Variants in AKAP13 observed in about 807,000 individuals in gnomAD.
AKAP13 encodes A-kinase anchor protein 13.
In AKAP13, 80 loss-of-function variants were observed where a neutral mutation model predicts 264.5. The ratio of observed to expected loss-of-function variants is 0.30; its 90% CI spans 0.25 to 0.36. The LOEUF (loss-of-function observed/expected upper bound fraction) is 0.36, where lower values mean the gene tolerates loss of function less well. AKAP13 is among the 10% of genes least tolerant of loss of function. The pLI, the probability that AKAP13 is intolerant of heterozygous loss-of-function variation, is 1.00. For synonymous variants in AKAP13, 1,380 were observed against 1,250.2 expected, an observed-to-expected ratio of 1.10 and a Z score of -2.19; for missense variants, 3,712 against 3,435.2, an observed-to-expected ratio of 1.08 and a Z score of -2.01.
intron 2 of AKAP13, among the ~76,000 whole-genome samples, chr15:85,507,562 C>G (rs1795462978): frequency 6.6e-6 from 1 of 152,178 alleles, no homozygotes; most frequent in South Asian, 2.1e-4. Flanking sequence ...CTGCCTTTTC[C>G]TTGTGTCTAG....
chr15:85,516,801 GA>G (rs1326413533), intron 2 of AKAP13, among the ~76,000 whole-genome samples: 1 of 152,160 alleles, frequency 6.6e-6, no homozygotes, highest in Non-Finnish European at 1.5e-5. Context: ...ACCACATTAC[GA>G]ATACAGATTT....
Position 85,742,551 on chromosome 15 carries a change from A to G in AKAP13, c.8059-941A>G, listed in dbSNP as rs2089107609. On this transcript the variant is annotated intron_variant, in intron 35 of 36. Transcript: ENST00000394518. ...TATTCTTGCTTGGGGATGTTGAGACAGCTGCACTCTGCATAGTTCCTGATT... is the reference window on the plus strand; with the variant it reads ...TATTCTTGCTTGGGGATGTTGAGACGGCTGCACTCTGCATAGTTCCTGATT... Among the ~76,000 whole-genome samples, 6 of 152,378 alleles carry G rather than the reference A, an allele frequency of 3.9e-5. No homozygotes were observed. In the South Asian group the frequency reaches 1.2e-3, roughly 32 times the overall value.
At chr15:85,734,852 C>T (rs771481671) in intron 30 of AKAP13, 140 bp from the exon 31 acceptor site, 15 of 1,144,616 alleles carry the variant, frequency 1.3e-5, no homozygotes, top group Non-Finnish European at 1.7e-5. Context: ...AGCTGAGACC[C>T]TTCTCTGAGC....
intron 16 of AKAP13, 127 bp from the exon 17 acceptor site, chr15:85,693,150 C>T: frequency 7.3e-7 from 1 of 1,372,924 alleles, no homozygotes; most frequent in East Asian, 2.8e-5. Context: ...TTGCCCAGAA[C>T]TTTGTTTCTC....
rs532484124 is a variant in AKAP13, at chr15:85,626,555, A to G, written c.4162-12819A>G. Among the ~76,000 whole-genome samples, 13 of 152,336 alleles carry G rather than the reference A, an allele frequency of 8.5e-5. No individual in the cohort carries two copies. The South Asian group carries it at 2.5e-3, about 29-fold the overall frequency. On this transcript the variant is annotated intron_variant, in intron 8 of 36. Coordinates refer to ENST00000394518, the MANE Select transcript of AKAP13 (RefSeq NM_007200.5). ...AGCATAATATCTTCAAGGTTCATCCATATTATAGCATGTGTCAGAATTTCC... is the reference window on the plus strand; with the variant it reads ...AGCATAATATCTTCAAGGTTCATCCGTATTATAGCATGTGTCAGAATTTCC...
At chr15:85,487,969 C>A (rs2075612519) in intron 2 of AKAP13, among the ~76,000 whole-genome samples, 1 of 152,238 alleles carries the variant, frequency 6.6e-6, no homozygotes, top group Non-Finnish European at 1.5e-5. Flanking sequence ...GCGACCATGA[C>A]TCACTGTAGC....
chr15:85,679,257 A>T (rs1355161233), intron 14 of AKAP13, among the ~76,000 whole-genome samples: 1 of 151,894 alleles, frequency 6.6e-6, no homozygotes, highest in Non-Finnish European at 1.5e-5. Context: ...AAACAACAAC[A>T]AAAAACCAAG....
intron 8 of AKAP13, among the ~76,000 whole-genome samples, chr15:85,615,970 A>G (rs1413785696): frequency 6.6e-6 from 1 of 152,190 alleles, no homozygotes; most frequent in Non-Finnish European, 1.5e-5. Context: ...TAGGAAGACA[A>G]AGAACCCTTG....
At chr15:85,676,931 A>G in intron 14 of AKAP13, 1 of 985,484 alleles carries the variant, frequency 1.0e-6, no homozygotes, top group Non-Finnish European at 1.2e-6. Context: ...AGGCCCTGGC[A>G]TAATCCGAGC....
At chr15:85,520,292 C>T (rs868514041) in intron 2 of AKAP13, among the ~76,000 whole-genome samples, 6 of 151,790 alleles carry the variant, frequency 4.0e-5, no homozygotes, top group African/African-American at 1.2e-4. Context: ...GGTCAGGATT[C>T]GAGACCAACC....
chr15:85,658,604 T>C lies in AKAP13; in HGVS notation c.4799+14T>C. 4 of 1,609,358 alleles carry C rather than the reference T, an allele frequency of 2.5e-6. No homozygotes were observed. The highest frequency in any genetic ancestry group is 3.4e-6 in the Non-Finnish European group (4 of 1,176,038). ...TCATAGGAGAAGGTACAGAGTTCAT[T>C]AACTTGATGGACTAACCATGTCACC... On this transcript the variant is annotated intron_variant, in intron 12 of 36. Coordinates refer to ENST00000394518, the MANE Select transcript of AKAP13 (RefSeq NM_007200.5).
In AKAP13 at chr15:85,708,310, A is replaced by C. The variant is rs1379418748; in HGVS notation, c.5532+224A>C. The stretch of plus-strand genomic sequence containing the variant: ...GACTTTCAGAAAAGAAAACGCTTTC[A>C]GAACTTCTTCACGTTCAATATACAT... On this transcript the variant is annotated intron_variant, in intron 18 of 36. Coordinates refer to ENST00000394518, the MANE Select transcript of AKAP13 (RefSeq NM_007200.5). This position sits in a 1 kb window ranked among gnomAD's most constrained non-coding sequence, Gnocchi z 4.3. Among the ~76,000 whole-genome samples, 1 of 152,216 alleles carries C rather than the reference A, an allele frequency of 6.6e-6. No individual in the cohort carries two copies. The highest frequency in any genetic ancestry group is 1.5e-5 in the Non-Finnish European group (1 of 68,040).
chr15:85,685,723 C>T (rs148382997), intron 16 of AKAP13, among the ~76,000 whole-genome samples: 79 of 152,196 alleles, frequency 5.2e-4, no homozygotes, highest in Non-Finnish European at 1.0e-3. Flanking sequence ...AATGCCTTAC[C>T]TCAAACACTC....
chr15:85,692,598 G>A (rs560892774), intron 16 of AKAP13, among the ~76,000 whole-genome samples: 1 of 152,054 alleles, frequency 6.6e-6, no homozygotes, highest in Non-Finnish European at 1.5e-5. Flanking sequence ...ACCACTGTAC[G>A]GTTTTCCAGC....
chr15:85,591,563 T>C (rs1314290779), intron 8 of AKAP13, among the ~76,000 whole-genome samples: 1 of 152,134 alleles, frequency 6.6e-6, no homozygotes, highest in African/African-American at 2.4e-5. Flanking sequence ...CTGCCTTTTA[T>C]TTCCTAAAGA....
At chr15:85,740,549 T>C (rs1291533388) in intron 34 of AKAP13, 3 of 459,314 alleles carry the variant, frequency 6.5e-6, no homozygotes, top group South Asian at 3.7e-5. Context: ...TACTTCACTT[T>C]AGAAAGCCTT....
At chr15:85,719,360 C>T (rs777401692) in intron 23 of AKAP13, 34 bp downstream of exon 23, 7 of 1,606,712 alleles carry the variant, frequency 4.4e-6, no homozygotes, top group Non-Finnish European at 6.0e-6. Flanking sequence ...TTCTTACATA[C>T]ACTGGGAAAA....
intron 8 of AKAP13, among the ~76,000 whole-genome samples, chr15:85,636,690 C>T (rs2082085651): frequency 6.6e-6 from 1 of 151,884 alleles, no homozygotes; most frequent in Admixed American, 6.6e-5. Context: ...TCACGGCTCG[C>T]TGCAACCTCT....
At position 85,744,093 on chromosome 15, in the gene AKAP13, CAATG is replaced by C. The variant is rs201751958; in HGVS notation, c.8392+271_8392+274del. On this transcript the variant is annotated intron_variant, in intron 36 of 36. Transcript: ENST00000394518. Reference sequence around the variant, plus strand: ...GATCGAGGAACTGGAGCTCACCCCTCAATGAAGTAATTCAAGTCCTCCTTGCCTT... The same window carrying C: ...GATCGAGGAACTGGAGCTCACCCCTCAAGTAATTCAAGTCCTCCTTGCCTT... 7.8e-3 allele frequency: 3,594 copies of C among 459,484 alleles called. 220 individuals are homozygous for C. In the Admixed American group the frequency reaches 0.11, roughly 14 times the overall value. The allele number at this position is 459,484 out of a possible 1,614,324, so 28.5% of individuals were successfully genotyped here.
Sources: allele counts gnomAD v4.1 joint callset (sites outside exome capture counted in the v4.1 genomes callset), GRCh38; gene constraint gnomAD v4.1.1; non-coding constraint Gnocchi (gnomAD v3.1); transcripts MANE v1.5; gene names NCBI Gene and HGNC (gene_info 2026-07-23, HGNC 2026-07-21).